Variants in TMEM65 observed in about 807,000 individuals in gnomAD.
TMEM65 encodes transmembrane protein 65.
Under a neutral mutation model 25.4 loss-of-function variants are expected in TMEM65, and 22 were observed. That is an observed-to-expected ratio of 0.86 (90% confidence interval 0.62 to 1.23). The LOEUF (loss-of-function observed/expected upper bound fraction) is 1.23. TMEM65 is among the 50% of genes most tolerant of loss of function. The pLI, the probability that TMEM65 is intolerant of heterozygous loss-of-function variation, is 0.00. For missense variants in TMEM65, 262 were observed against 308.2 expected (o/e 0.85, Z 1.12); for synonymous variants, 132 against 126.2 (o/e 1.05, Z -0.31).
chr8:124,352,745 G>A (rs1814727935), intron 1 of TMEM65, among the ~76,000 whole-genome samples: 1 of 152,060 alleles, frequency 6.6e-6, no homozygotes, highest in Non-Finnish European at 1.5e-5. Context: ...AGGAGGCAGG[G>A]GAAGCCACAG....
At chr8:124,336,737 T>C (rs980740675) in intron 1 of TMEM65, among the ~76,000 whole-genome samples, 1 of 151,710 alleles carries the variant, frequency 6.6e-6, no homozygotes, top group South Asian at 2.1e-4. Flanking sequence ...AGGTCTAAAA[T>C]AAATAAACTA....
In TMEM65 at chr8:124,312,899, A is replaced by T. The variant is rs923840677; in HGVS notation, c.*1061T>A. 1 of 151,844 alleles carries T rather than the reference A, an allele frequency of 6.6e-6. No individual in the cohort carries two copies. The highest frequency in any genetic ancestry group is 1.5e-5 in the Non-Finnish European group (1 of 67,806). The allele number at this position is 151,844 out of a possible 1,614,324, so 9.4% of individuals were successfully genotyped here. On this transcript the variant is annotated 3_prime_UTR_variant, in exon 7 of 7. Coordinates refer to ENST00000297632, the MANE Select transcript of TMEM65 (RefSeq NM_194291.3). ...TCATAAATAAAATTCACTAAATAAG[A>T]TATAATGAGATTAGGAGTATGAATA...
intron 1 of TMEM65, among the ~76,000 whole-genome samples, chr8:124,350,023 C>A (rs1347976024): frequency 6.6e-6 from 1 of 152,086 alleles, no homozygotes; most frequent in South Asian, 2.1e-4. Context: ...AAATGTTTAA[C>A]TTCTACATGC....
At chr8:124,371,687 T>A (rs1390919251) in intron 1 of TMEM65, among the ~76,000 whole-genome samples, 167 bp downstream of exon 1, 1 of 151,288 alleles carries the variant, frequency 6.6e-6, no homozygotes, top group Admixed American at 6.6e-5. Context: ...CGGCGGAAAG[T>A]CTCCCCGCCC....
intron 1 of TMEM65, among the ~76,000 whole-genome samples, chr8:124,338,353 C>G (rs748606245): frequency 2.5e-4 from 17 of 67,618 alleles, no homozygotes; most frequent in Non-Finnish European, 3.2e-4. Context: ...GAATAGATTC[C>G]TATAAGTGGC....
chr8:124,351,903 C>G (rs1814713748), intron 1 of TMEM65, among the ~76,000 whole-genome samples: 1 of 152,202 alleles, frequency 6.6e-6, no homozygotes, highest in African/African-American at 2.4e-5. Flanking sequence ...TCAGCATTTT[C>G]ACTTTTTGTT....
chr8:124,324,860 C>T lies in TMEM65; in HGVS notation c.418-1485G>A, dbSNP rs942005894. ...GGTGAGGTAGAAATTATAAATAAAC[C>T]GAATACTAATAGTTGTCTTAAAGTT... On this transcript the variant is annotated intron_variant, in intron 3 of 6. Coordinates refer to ENST00000297632, the MANE Select transcript of TMEM65 (RefSeq NM_194291.3). Among the ~76,000 whole-genome samples, 6 of 151,702 alleles carry T rather than the reference C, an allele frequency of 4.0e-5. No homozygotes were observed. The East Asian group carries it at 5.8e-4, about 15-fold the overall frequency.
intron 6 of TMEM65, among the ~76,000 whole-genome samples, chr8:124,317,682 G>A (rs1814255228): frequency 6.6e-6 from 1 of 152,158 alleles, no homozygotes; most frequent in African/African-American, 2.4e-5. Context: ...CTCCCCTTGA[G>A]CATAGGTAGG....
chr8:124,339,688 T>C (rs541290897), intron 1 of TMEM65, among the ~76,000 whole-genome samples: 4 of 152,040 alleles, frequency 2.6e-5, no homozygotes, highest in African/African-American at 9.7e-5. Context: ...ATTTGAGCAT[T>C]TTTTACTAGA....
In TMEM65 at chr8:124,320,120, A is replaced by G. The variant is rs1300535553; in HGVS notation, c.587T>C (p.Val196Ala). The G allele has an allele frequency of 1.2e-5, 19 of 1,613,356 alleles. No homozygotes were observed. The highest frequency in any genetic ancestry group is 2.2e-5 in the East Asian group (1 of 44,816). Reference sequence around the variant, plus strand: ...ACTAAGACGTGTTTGCCACATGTCAACTTGCTTTGGTGTGAGATCAGGAAT... The same window carrying G: ...ACTAAGACGTGTTTGCCACATGTCAGCTTGCTTTGGTGTGAGATCAGGAAT... ...LSIPDLTPKQ[V>A]DMWQTRLSTH... Residue 196 changes from valine to alanine, a missense_variant, in exon 6 of 7, where the codon GTT becomes GCT. Physicochemically the swap from Val to Ala is moderately conservative, Grantham distance 64. Coordinates refer to ENST00000297632, the MANE Select transcript of TMEM65 (RefSeq NM_194291.3).
At chr8:124,336,273 T>C (rs1392228726) in intron 1 of TMEM65, among the ~76,000 whole-genome samples, 1 of 152,016 alleles carries the variant, frequency 6.6e-6, no homozygotes, top group Non-Finnish European at 1.5e-5. Context: ...TACTTGGAGA[T>C]ATAAAAGCCT....
chr8:124,334,915 T>C (rs1166114367), intron 1 of TMEM65, among the ~76,000 whole-genome samples: 1 of 151,502 alleles, frequency 6.6e-6, no homozygotes, highest in Non-Finnish European at 1.5e-5. Flanking sequence ...ACTGAAAGGA[T>C]TGAAAAAATA....
At chr8:124,364,550 T>C (rs919733137) in intron 1 of TMEM65, among the ~76,000 whole-genome samples, 3 of 152,194 alleles carry the variant, frequency 2.0e-5, no homozygotes, top group Non-Finnish European at 1.5e-5. Flanking sequence ...CTCCGACATC[T>C]GGTAGAAGCT....
Position 124,313,033 on chromosome 8 carries a change from CACTTCA to C in TMEM65, c.*921_*926del, listed in dbSNP as rs1814184355. The C allele has an allele frequency of 6.6e-6, 1 of 151,232 alleles. No homozygotes were observed. The highest frequency in any genetic ancestry group is 1.5e-5 in the Non-Finnish European group (1 of 67,744). The allele number at this position is 151,232 out of a possible 1,614,324, so 9.4% of individuals were successfully genotyped here. A position where few individuals can be genotyped will look rare whatever the true frequency, so the allele number is the denominator to read the frequency against. On this transcript the variant is annotated 3_prime_UTR_variant, in exon 7 of 7. Transcript: ENST00000297632. ...TGTATCTCATTAATCTTTCAAACAT[CACTTCA>C]ACTTCATCATTTATACCATAAACCT... is the stretch of plus-strand genomic sequence containing the variant.
intron 1 of TMEM65, among the ~76,000 whole-genome samples, chr8:124,332,834 C>T (rs547869594): frequency 5.3e-5 from 8 of 152,040 alleles, no homozygotes; most frequent in South Asian, 2.1e-4. Context: ...GATGGAGTCT[C>T]ACTCTGTCTC....
intron 1 of TMEM65, among the ~76,000 whole-genome samples, chr8:124,355,787 G>A (rs947236392): frequency 3.9e-5 from 6 of 152,174 alleles, no homozygotes; most frequent in African/African-American, 1.4e-4. Context: ...AGGACAGACA[G>A]GATCTTAGTA....
At chr8:124,356,511 C>T (rs1814783909) in intron 1 of TMEM65, among the ~76,000 whole-genome samples, 1 of 152,164 alleles carries the variant, frequency 6.6e-6, no homozygotes, top group Non-Finnish European at 1.5e-5. Flanking sequence ...AAGTTTCCTT[C>T]AGAAAGTTGA....
intron 1 of TMEM65, among the ~76,000 whole-genome samples, chr8:124,332,091 C>T (rs1014496935): frequency 1.3e-5 from 2 of 152,040 alleles, no homozygotes; most frequent in Admixed American, 6.6e-5. Flanking sequence ...ACTAATCTTA[C>T]AGAATTTCAC....
At chr8:124,332,548 A>G (rs1384209097) in intron 1 of TMEM65, among the ~76,000 whole-genome samples, 1 of 152,168 alleles carries the variant, frequency 6.6e-6, no homozygotes, top group Non-Finnish European at 1.5e-5. Context: ...TAATGTAATC[A>G]ATATTCCTTT....
Sources: allele counts gnomAD v4.1 joint callset (sites outside exome capture counted in the v4.1 genomes callset), GRCh38; gene constraint gnomAD v4.1.1; transcripts MANE v1.5; gene names NCBI Gene and HGNC (gene_info 2026-07-23, HGNC 2026-07-21).